MAPK10: variants seen among roughly 807,000 people sequenced by gnomAD.
MAPK10 encodes the protein mitogen-activated protein kinase 10.
Under a neutral mutation model 59.3 loss-of-function variants are expected in MAPK10, and 25 were observed. The ratio of observed to expected loss-of-function variants is 0.42; its 90% CI spans 0.31 to 0.59. The LOEUF (loss-of-function observed/expected upper bound fraction) is 0.59, where lower values mean the gene tolerates loss of function less well. MAPK10 is among the 20% of genes least tolerant of loss of function. The pLI is 0.15. For missense variants in MAPK10, 351 were observed against 568.9 expected (o/e 0.62, Z 3.90); for synonymous variants, 190 against 200.5 (o/e 0.95, Z 0.44).
intron 11 of MAPK10, among the ~76,000 whole-genome samples, chr4:86,045,730 C>T (rs1329088443): frequency 6.6e-6 from 1 of 151,856 alleles, no homozygotes; most frequent in East Asian, 1.9e-4. Flanking sequence ...ATTTCTCACC[C>T]TTCTCCATTA....
chr4:86,491,231 A>G (rs1754432546), intron 1 of MAPK10, among the ~76,000 whole-genome samples: 1 of 152,184 alleles, frequency 6.6e-6, no homozygotes, highest in Non-Finnish European at 1.5e-5. Context: ...TGTAGGTGCA[A>G]CAAAATTGAC....
At chr4:86,590,160 T>TA (rs1237788362) in intron 1 of MAPK10, among the ~76,000 whole-genome samples, 2 of 152,126 alleles carry the variant, frequency 1.3e-5, no homozygotes, top group African/African-American at 4.8e-5. Flanking sequence ...ATTATGAAGT[T>TA]AAAAAATCAA....
chr4:86,364,294 AT>A, upstream of MAPK10, among the ~76,000 whole-genome samples: 1 of 151,718 alleles, frequency 6.6e-6, no homozygotes, highest in Non-Finnish European at 1.5e-5. Context: ...GCCCAGCTAA[AT>A]TTTTTGTGTT....
chr4:86,572,898 C>T (rs879822545), intron 1 of MAPK10, among the ~76,000 whole-genome samples: 10 of 152,048 alleles, frequency 6.6e-5, no homozygotes, highest in African/African-American at 1.2e-4. Context: ...TTAATAATTT[C>T]GGTGAATATC....
In MAPK10 at chr4:86,237,877, T is replaced by A. The variant is rs2092393241; in HGVS notation, c.-6-43470A>T. Among the ~76,000 whole-genome samples the A allele has an allele frequency of 3.3e-5, 5 of 152,372 alleles. No individual in the cohort carries two copies. The South Asian group carries it at 1.0e-3, about 32-fold the overall frequency. ...GATCTCATTTGTTAATTTTTGCTTTTGTTGCAATTCCTTTTGGTGTTTTAG... is the reference window on the plus strand; with the variant it reads ...GATCTCATTTGTTAATTTTTGCTTTAGTTGCAATTCCTTTTGGTGTTTTAG... On this transcript the variant is annotated intron_variant, in intron 2 of 13. Coordinates refer to ENST00000641462, the MANE Select transcript of MAPK10 (RefSeq NM_138982.4).
At chr4:86,542,610 A>C (rs997763874) in intron 1 of MAPK10, 7 of 153,996 alleles carry the variant, frequency 4.5e-5, no homozygotes, top group Admixed American at 3.9e-4. Context: ...GACTCTCTCT[A>C]AAAAAAAGAA....
chr4:86,534,561 G>A (rs1050425497), intron 1 of MAPK10, among the ~76,000 whole-genome samples: 7 of 152,034 alleles, frequency 4.6e-5, no homozygotes, highest in African/African-American at 1.7e-4. Context: ...GGAGTGAGTG[G>A]TATATGGAAA....
rs1378404532 is a variant in MAPK10 at position 86,119,485 on chromosome 4, A to G, written c.237-12133T>C. ...GTAGCACGCACCTGTAATCCCAGCT[A>G]CTCAGAGGCTGAGGCAGGAGAATTG... On this transcript the variant is annotated intron_variant, in intron 4 of 13. Transcript: ENST00000641462. The G allele has an allele frequency of 2.0e-5, 3 of 150,514 alleles. No homozygotes were observed. In the East Asian group the frequency reaches 5.9e-4, roughly 30 times the overall value. 9.3% of individuals were successfully genotyped at this position (150,514 alleles called of 1,614,324 possible). A position where few individuals can be genotyped will look rare whatever the true frequency, so the allele number is the denominator to read the frequency against.
intron 2 of MAPK10, among the ~76,000 whole-genome samples, chr4:86,333,140 C>A (rs6842530): frequency 0.26 from 39,126 of 151,960 alleles, 5,224 homozygotes; most frequent in South Asian, 0.43. Context: ...CCAACAAATT[C>A]AATAACATAT....
chr4:86,577,737 T>G (rs1009072539), intron 1 of MAPK10, among the ~76,000 whole-genome samples: 2 of 152,208 alleles, frequency 1.3e-5, no homozygotes, highest in Non-Finnish European at 2.9e-5. Context: ...TTTGAGTAAT[T>G]ACGTGGTTGC....
At chr4:86,451,646 G>A (rs925123685) in intron 1 of MAPK10, among the ~76,000 whole-genome samples, 4 of 152,202 alleles carry the variant, frequency 2.6e-5, no homozygotes, top group Non-Finnish European at 5.9e-5. Context: ...ACTTCAGAGG[G>A]ATGATAACTC....
intron 2 of MAPK10, among the ~76,000 whole-genome samples, chr4:86,267,130 G>T (rs555458046): frequency 6.6e-6 from 1 of 152,010 alleles, no homozygotes; most frequent in Admixed American, 6.5e-5. Flanking sequence ...ATTTGAAAAT[G>T]AATTAATGGC....
At chr4:86,320,685 G>T (rs868550568) in intron 2 of MAPK10, among the ~76,000 whole-genome samples, 7 of 152,210 alleles carry the variant, frequency 4.6e-5, no homozygotes, top group Middle Eastern at 6.8e-3. Flanking sequence ...GTCAATTTTG[G>T]CTTTTGTTGC....
intron 2 of MAPK10, among the ~76,000 whole-genome samples, chr4:86,237,465 C>A (rs1185278481): frequency 6.6e-6 from 1 of 152,124 alleles, no homozygotes; most frequent in Non-Finnish European, 1.5e-5. Flanking sequence ...AATTTACATT[C>A]CCACCAACAG....
At chr4:86,232,468 G>T (rs1270604419) in intron 2 of MAPK10, among the ~76,000 whole-genome samples, 1 of 151,958 alleles carries the variant, frequency 6.6e-6, no homozygotes, top group Non-Finnish European at 1.5e-5. Flanking sequence ...CCGCCTCCTG[G>T]GTTCACGCCA....
chr4:86,250,802 T>G (rs1471613817), intron 2 of MAPK10, among the ~76,000 whole-genome samples: 1 of 152,180 alleles, frequency 6.6e-6, no homozygotes, highest in Non-Finnish European at 1.5e-5. Context: ...AGAGCCAGAC[T>G]GATTAATTTC....
intron 1 of MAPK10, among the ~76,000 whole-genome samples, chr4:86,514,767 A>C (rs1756532529): frequency 6.6e-6 from 1 of 152,236 alleles, no homozygotes; most frequent in Non-Finnish European, 1.5e-5. Flanking sequence ...CTGGGGAAAG[A>C]AGCATTGTTC....
At position 86,167,265 on chromosome 4, in the gene MAPK10, T is replaced by C. The variant is rs147315397; in HGVS notation, c.67-7798A>G. Among the ~76,000 whole-genome samples the C allele has an allele frequency of 3.2e-3, 487 of 152,226 alleles. 3 individuals are homozygous for C. Among genetic ancestry groups the C allele is most frequent in the African/African-American group, 0.011 (465 of 41,530 alleles). On this transcript the variant is annotated intron_variant, in intron 3 of 13. Coordinates refer to ENST00000641462, the MANE Select transcript of MAPK10 (RefSeq NM_138982.4). ...AAAAAAAGCCCAGGACCAGACAGAT[T>C]CACAGCTGAACTCTACCAGAGGTAC... is the stretch of plus-strand genomic sequence containing the variant.
chr4:86,442,935 G>T (rs1470518368), intron 1 of MAPK10, among the ~76,000 whole-genome samples: 1 of 152,128 alleles, frequency 6.6e-6, no homozygotes, highest in East Asian at 1.9e-4. Flanking sequence ...ACAAGGCAAA[G>T]CTAAACAAGC....
Sources: allele counts gnomAD v4.1 joint callset (sites outside exome capture counted in the v4.1 genomes callset), GRCh38; gene constraint gnomAD v4.1.1; transcripts MANE v1.5; gene names NCBI Gene and HGNC (gene_info 2026-07-23, HGNC 2026-07-21).